AFDN: variants seen among roughly 807,000 people sequenced by gnomAD.
AFDN encodes afadin.
A neutral mutation model predicts 216.6 loss-of-function variants in AFDN; 68 were observed. That is an observed-to-expected ratio of 0.31 (90% CI 0.26 to 0.38). The LOEUF is 0.38. Among genes scored for constraint, AFDN ranks in the 10% least tolerant of loss-of-function variants. AFDN has a pLI of 1.00. For missense variants in AFDN, 2,136 were observed against 2,342.0 expected (o/e 0.91, Z 1.82); for synonymous variants, 868 against 853.7 (o/e 1.02, Z -0.29).
chr6:167,881,664 A>T (rs1313432606), intron 6 of AFDN, among the ~76,000 whole-genome samples: 1 of 152,188 alleles, frequency 6.6e-6, no homozygotes. Context: ...TCACTTCCCT[A>T]CCCTAACTGC....
At chr6:167,924,902 C>A in intron 22 of AFDN, 103 bp from the exon 23 acceptor site, 1 of 832,294 alleles carries the variant, frequency 1.2e-6, no homozygotes. Flanking sequence ...TTTTCTTTCC[C>A]CATTTGCTCC....
intron 6 of AFDN, among the ~76,000 whole-genome samples, chr6:167,882,757 G>A (rs1043651767): frequency 3.9e-5 from 6 of 152,156 alleles, no homozygotes; most frequent in African/African-American, 1.4e-4. Flanking sequence ...GGTTGAAAAG[G>A]CCCACTGAAT....
intron 32 of AFDN, chr6:167,966,426 C>A: frequency 1.8e-6 from 1 of 563,048 alleles, no homozygotes; most frequent in Non-Finnish European, 2.8e-6. Context: ...TGGTGATCCT[C>A]CTCTGCCTCT....
intron 30 of AFDN, among the ~76,000 whole-genome samples, chr6:167,956,666 A>G (rs1796551905): frequency 6.6e-6 from 1 of 152,166 alleles, no homozygotes; most frequent in Admixed American, 6.5e-5. Context: ...CTCACCTTGC[A>G]CTGCTCATCA....
At chr6:167,929,067 T>C (rs1792937296) in intron 23 of AFDN, among the ~76,000 whole-genome samples, 1 of 152,208 alleles carries the variant, frequency 6.6e-6, no homozygotes, top group South Asian at 2.1e-4. Context: ...GGGGTTAGCT[T>C]CAGGGTATAT....
At chr6:167,903,360 C>T (rs1480396731) in intron 12 of AFDN, among the ~76,000 whole-genome samples, 1 of 152,238 alleles carries the variant, frequency 6.6e-6, no homozygotes, top group African/African-American at 2.4e-5. Context: ...GACCCTCTCT[C>T]TGTGCTGTCT....
At chr6:167,831,432 C>T (rs149448751) in intron 1 of AFDN, among the ~76,000 whole-genome samples, 76 of 152,132 alleles carry the variant, frequency 5.0e-4, no homozygotes, top group African/African-American at 1.7e-3. Flanking sequence ...TAACTGGTTA[C>T]GTTTTATGTT....
At chr6:167,929,970 G>A (rs1316039572) in intron 23 of AFDN, among the ~76,000 whole-genome samples, 8 of 152,186 alleles carry the variant, frequency 5.3e-5, no homozygotes, top group African/African-American at 1.7e-4. Flanking sequence ...GGTTTAGGCC[G>A]AGGCAGGAGG....
intron 16 of AFDN, 159 bp downstream of exon 16, chr6:167,913,582 A>C: frequency 1.6e-6 from 1 of 615,216 alleles, no homozygotes; most frequent in Non-Finnish European, 2.8e-6. Flanking sequence ...TTGACTGTGC[A>C]ACCTTTATCG....
intron 21 of AFDN, among the ~76,000 whole-genome samples, 195 bp from the exon 22 acceptor site, chr6:167,922,661 G>A (rs753958695): frequency 2.0e-5 from 3 of 152,184 alleles, no homozygotes; most frequent in Non-Finnish European, 4.4e-5. Flanking sequence ...ACTGCTTGGT[G>A]CTGAAATGCT....
intron 11 of AFDN, among the ~76,000 whole-genome samples, chr6:167,900,224 G>A (rs1353912402): frequency 6.6e-6 from 1 of 152,152 alleles, no homozygotes; most frequent in Non-Finnish European, 1.5e-5. Context: ...TTTTGCTCTA[G>A]TGTCAAACGA....
In AFDN at chr6:167,951,969, A is replaced by G; in HGVS notation, c.4615A>G (p.Ile1539Val). 2 of 1,614,196 alleles carry G rather than the reference A, an allele frequency of 1.2e-6. No homozygotes were observed. The highest frequency in any genetic ancestry group is 1.1e-5 in the South Asian group (1 of 91,082). ...EKLEKQQQMH[I>V]VDMLSKEIQE... ...GCTGGAGAAGCAGCAGCAGATGCAC[A>G]TCGTGGACATGCTGAGCAAGGAGAT... Residue 1539 changes from isoleucine to valine, a missense_variant, in exon 30 of 34, where the codon ATC (isoleucine) becomes GTC (valine). Coordinates refer to ENST00000683244, the MANE Select transcript of AFDN (RefSeq NM_001386888.1). This position sits in a 1 kb window ranked among gnomAD's most constrained non-coding sequence, Gnocchi z 7.1.
chr6:167,950,646 A>G (rs1301072207), intron 29 of AFDN, among the ~76,000 whole-genome samples: 5 of 152,182 alleles, frequency 3.3e-5, no homozygotes, highest in Non-Finnish European at 7.3e-5. Flanking sequence ...TTAAGATTTA[A>G]TAATCACTCG....
chr6:167,955,225 C>T (rs1479639130), intron 30 of AFDN, among the ~76,000 whole-genome samples: 2 of 152,140 alleles, frequency 1.3e-5, no homozygotes, highest in Non-Finnish European at 2.9e-5. Context: ...CAATATCAGA[C>T]GGTACATTTA....
chr6:167,875,951 G>A (rs1785318184), intron 5 of AFDN, among the ~76,000 whole-genome samples: 1 of 151,998 alleles, frequency 6.6e-6, no homozygotes, highest in Admixed American at 6.6e-5. Context: ...TATAACCATA[G>A]TATCATTATC....
chr6:167,866,266 A>T (rs1363873224), intron 2 of AFDN, among the ~76,000 whole-genome samples: 1 of 152,194 alleles, frequency 6.6e-6, no homozygotes, highest in African/African-American at 2.4e-5. Context: ...ATGGTTAAAG[A>T]AGAAGGAAAT....
chr6:167,920,964 G>A (rs1201289840), intron 21 of AFDN, among the ~76,000 whole-genome samples: 1 of 152,206 alleles, frequency 6.6e-6, no homozygotes, highest in African/African-American at 2.4e-5. Context: ...GTCACATTGT[G>A]TTTCAAACGC....
At chr6:167,862,588 T>G (rs1395660369) in intron 1 of AFDN, among the ~76,000 whole-genome samples, 1 of 152,226 alleles carries the variant, frequency 6.6e-6, no homozygotes, top group East Asian at 1.9e-4. Flanking sequence ...TTGGTCAGGC[T>G]GGTCTCGAAC....
At chr6:167,919,049 T>A in intron 21 of AFDN, 116 bp downstream of exon 21, 1 of 848,534 alleles carries the variant, frequency 1.2e-6, no homozygotes, top group Non-Finnish European at 1.9e-6. Flanking sequence ...TCGTGCTGTC[T>A]GGAGAAGTCC....
Sources: gnomAD v4.1 joint callset for allele counts (sites outside exome capture counted in the v4.1 genomes callset) on GRCh38, gnomAD v4.1.1 for gene constraint, Gnocchi (gnomAD v3.1) non-coding constraint, MANE v1.5 for transcripts, NCBI Gene and HGNC (gene_info 2026-07-23, HGNC 2026-07-21) for gene names.